EYS: variants seen among roughly 807,000 people sequenced by gnomAD.
The protein encoded by EYS is protein eyes shut homolog.
A neutral mutation model predicts 282.1 loss-of-function variants in EYS; 250 were observed. That is an observed-to-expected ratio of 0.89 (90% CI 0.80 to 0.98). The LOEUF is 0.98. EYS is among the 50% of genes least tolerant of loss of function. The pLI, the probability that EYS is intolerant of heterozygous loss-of-function variation, is 0.00. For synonymous variants in EYS, 1,355 were observed against 1,282.9 expected (o/e 1.06, Z -1.20); for missense variants, 4,016 against 3,709.0 (o/e 1.08, Z -2.15).
At chr6:64,633,626 C>CAAAAAA (rs58815312) in intron 22 of EYS, among the ~76,000 whole-genome samples, 1 of 140,614 alleles carries the variant, frequency 7.1e-6, no homozygotes, top group Non-Finnish European at 1.5e-5. Flanking sequence ...CTTTTCTCAG[C>CAAAAAA]AAAAAAAAAA....
intron 26 of EYS, among the ~76,000 whole-genome samples, chr6:64,524,331 A>C (rs2150527625): frequency 6.6e-6 from 1 of 151,828 alleles, no homozygotes; most frequent in South Asian, 2.1e-4. Context: ...GATAAAAATT[A>C]AAATGTCTTA....
At chr6:64,943,077 A>C (rs1769152656) in intron 15 of EYS, among the ~76,000 whole-genome samples, 1 of 152,108 alleles carries the variant, frequency 6.6e-6, no homozygotes, top group Non-Finnish European at 1.5e-5. Flanking sequence ...AATAAATGTG[A>C]TTCACTGCAT....
intron 36 of EYS, among the ~76,000 whole-genome samples, chr6:63,822,849 C>T (rs982696244): frequency 3.9e-5 from 6 of 152,134 alleles, no homozygotes; most frequent in Admixed American, 1.3e-4. Context: ...TTTAGTGTTT[C>T]ACCACTAGGA....
intron 22 of EYS, among the ~76,000 whole-genome samples, chr6:64,727,576 A>G (rs958609060): frequency 4.6e-5 from 7 of 152,020 alleles, no homozygotes; most frequent in African/African-American, 1.7e-4. Flanking sequence ...TATTTTCCGG[A>G]AAAACAATCC....
chr6:64,792,574 C>A (rs541403177), intron 22 of EYS, among the ~76,000 whole-genome samples: 1 of 151,734 alleles, frequency 6.6e-6, no homozygotes, highest in Admixed American at 6.6e-5. Context: ...AGATCAATTG[C>A]CATTGAAAAA....
chr6:64,546,008 T>G (rs1465364091), intron 26 of EYS, among the ~76,000 whole-genome samples: 1 of 152,098 alleles, frequency 6.6e-6, no homozygotes, highest in Non-Finnish European at 1.5e-5. Context: ...CTTCACAGAA[T>G]TGGAAAAAAC....
At chr6:64,761,613 T>C (rs13205233) in intron 22 of EYS, among the ~76,000 whole-genome samples, 105,000 of 151,988 alleles carry the variant, frequency 0.69, 38,290 homozygotes, top group Non-Finnish European at 0.81. Flanking sequence ...CATGCCACCA[T>C]GCCCAGCTAA....
At chr6:65,344,301 G>T (rs1770314049) in intron 9 of EYS, 124 bp from the exon 10 acceptor site, 2 of 774,248 alleles carry the variant, frequency 2.6e-6, no homozygotes, top group African/African-American at 1.8e-5. Context: ...CACAAAATAA[G>T]TTCCTGTATG....
intron 35 of EYS, among the ~76,000 whole-genome samples, chr6:63,899,536 C>T (rs974313947): frequency 6.6e-6 from 1 of 152,180 alleles, no homozygotes; most frequent in African/African-American, 2.4e-5. Context: ...AGCTAGTAAA[C>T]TACTTACTGT....
intron 22 of EYS, among the ~76,000 whole-genome samples, chr6:64,643,854 T>C (rs540021250): frequency 1.3e-5 from 2 of 152,312 alleles, no homozygotes; most frequent in African/African-American, 4.8e-5. Flanking sequence ...TCTCCAGCCA[T>C]GTGGAACTAT....
chr6:63,900,207 T>C (rs951249952), intron 35 of EYS, among the ~76,000 whole-genome samples: 1 of 152,318 alleles, frequency 6.6e-6, no homozygotes, highest in African/African-American at 2.4e-5. Context: ...TTTACTTATT[T>C]ATCCTTAGCA....
chr6:64,832,624 C>T (rs146859676), intron 19 of EYS, among the ~76,000 whole-genome samples: 4 of 151,944 alleles, frequency 2.6e-5, no homozygotes, highest in Middle Eastern at 3.4e-3. Context: ...ATAAATAACA[C>T]ATACACACAA....
intron 12 of EYS, among the ~76,000 whole-genome samples, chr6:65,116,343 G>A (rs1254848142): frequency 1.3e-5 from 2 of 152,032 alleles, no homozygotes; most frequent in South Asian, 2.1e-4. Flanking sequence ...TTTCCCCATA[G>A]TACTCTGGAA....
chr6:65,341,727 G>A (rs960661280), intron 10 of EYS, among the ~76,000 whole-genome samples: 4 of 151,098 alleles, frequency 2.6e-5, no homozygotes, highest in African/African-American at 9.7e-5. Flanking sequence ...CTTCATTTAA[G>A]CATCTCCAAT....
intron 11 of EYS, among the ~76,000 whole-genome samples, chr6:65,328,391 T>C (rs1275251020): frequency 6.6e-6 from 1 of 151,454 alleles, no homozygotes; most frequent in African/African-American, 2.4e-5. Flanking sequence ...TAAATTCAAA[T>C]AAATTGTAAT....
chr6:64,418,691 A>G (rs986799458), intron 28 of EYS, among the ~76,000 whole-genome samples: 1 of 152,148 alleles, frequency 6.6e-6, no homozygotes, highest in African/African-American at 2.4e-5. Flanking sequence ...AAATAAAATT[A>G]TATGTCTTGC....
At chr6:64,958,275 G>A (rs1053005947) in intron 14 of EYS, among the ~76,000 whole-genome samples, 4 of 152,130 alleles carry the variant, frequency 2.6e-5, no homozygotes, top group East Asian at 1.9e-4. Context: ...CTAGTTGTTC[G>A]GGAGGCTGAG....
chr6:64,724,706 A>G (rs1410023208), intron 22 of EYS, among the ~76,000 whole-genome samples: 1 of 152,190 alleles, frequency 6.6e-6, no homozygotes, highest in Admixed American at 6.5e-5. Flanking sequence ...ATGTATTATT[A>G]TATACATCAT....
chr6:65,385,302 T>A (rs1006961910), intron 7 of EYS, among the ~76,000 whole-genome samples: 1 of 151,940 alleles, frequency 6.6e-6, no homozygotes, highest in African/African-American at 2.4e-5. Flanking sequence ...TATTTATTAT[T>A]TTAAATCTGT....
Sources: allele counts gnomAD v4.1 joint callset (sites outside exome capture counted in the v4.1 genomes callset), GRCh38; gene constraint gnomAD v4.1.1; transcripts MANE v1.5; gene names NCBI Gene and HGNC (gene_info 2026-07-23, HGNC 2026-07-21).